The following PCDH15 variants were observed in gnomAD, a reference collection of about 807,000 sequenced individuals.
The protein encoded by PCDH15 is protocadherin related 15.
A neutral mutation model predicts 178.5 loss-of-function variants in PCDH15; 129 were observed. The ratio of observed to expected loss-of-function variants is 0.72; its 90% confidence interval spans 0.63 to 0.84. The LOEUF (loss-of-function observed/expected upper bound fraction) is 0.84. Ranked by LOEUF, PCDH15 falls within the 40% of genes least tolerant of loss-of-function variation. The pLI, the probability that PCDH15 is intolerant of heterozygous loss-of-function variation, is 0.00. For synonymous variants in PCDH15, 800 were observed against 732.0 expected (o/e 1.09, Z -1.50); for missense variants, 2,230 against 2,099.9 (o/e 1.06, Z -1.21).
chr10:54,481,898 A>T (rs895687422), intron 3 of PCDH15, among the ~76,000 whole-genome samples: 1 of 151,892 alleles, frequency 6.6e-6, no homozygotes, highest in African/African-American at 2.4e-5. Context: ...AAAGCAAGTC[A>T]GTCTGTATTG....
At chr10:54,029,676 T>C (rs1412661172) in intron 18 of PCDH15, among the ~76,000 whole-genome samples, 1 of 152,202 alleles carries the variant, frequency 6.6e-6, no homozygotes, top group Non-Finnish European at 1.5e-5. Context: ...CCAAAGTTTT[T>C]TGTATAATTT....
At chr10:54,055,154 T>C (rs2093858390) in intron 18 of PCDH15, among the ~76,000 whole-genome samples, 1 of 152,206 alleles carries the variant, frequency 6.6e-6, no homozygotes, top group Non-Finnish European at 1.5e-5. Context: ...CACTGTAGTT[T>C]ACTAATGATT....
chr10:55,385,607 T>G (rs1174062755), intron 2 of PCDH15, among the ~76,000 whole-genome samples: 3 of 149,992 alleles, frequency 2.0e-5, no homozygotes, highest in Admixed American at 6.7e-5. Context: ...TTTTTGAAGT[T>G]TCTGTGTAGG....
chr10:54,171,710 A>G (rs1248622595), intron 13 of PCDH15, among the ~76,000 whole-genome samples: 1 of 152,020 alleles, frequency 6.6e-6, no homozygotes, highest in Non-Finnish European at 1.5e-5. Context: ...CTCTCTAATC[A>G]GATATCCTGA....
chr10:55,275,315 AGAAGTTCCTAAAT>A (rs758498347), intron 1 of PCDH15, among the ~76,000 whole-genome samples: 163 of 152,112 alleles, frequency 1.1e-3, no homozygotes, highest in Non-Finnish European at 2.0e-3. Flanking sequence ...CTTGATTATT[AGAAGTTCCTAAAT>A]TTACTGCTGT....
chr10:55,387,095 C>T (rs969641490), intron 2 of PCDH15, among the ~76,000 whole-genome samples: 2 of 151,980 alleles, frequency 1.3e-5, no homozygotes, highest in Non-Finnish European at 2.9e-5. Context: ...TTTAAAATAT[C>T]GTGCCATTAT....
rs934641711 is a variant in PCDH15 at position 54,826,063 on chromosome 10, A to T, written c.-29+71387T>A. Among the ~76,000 whole-genome samples the T allele has an allele frequency of 2.0e-5, 3 of 152,090 alleles. 1 individual carries two copies. The highest frequency in any genetic ancestry group is 4.4e-5 in the Non-Finnish European group (3 of 68,002). On this transcript the variant is annotated intron_variant, in intron 3 of 5. Coordinates refer to the PCDH15 transcript ENST00000458638. ...CCATTGTAGAATGAAACATTGCCTC[A>T]TGCCTTCAGATAGACTTAGTAGTTA... is the stretch of plus-strand genomic sequence containing the variant.
At chr10:54,973,119 G>A (rs1386724249) in intron 2 of PCDH15, among the ~76,000 whole-genome samples, 2 of 152,086 alleles carry the variant, frequency 1.3e-5, no homozygotes, top group Non-Finnish European at 2.9e-5. Context: ...GTGAAAATGT[G>A]TGTGAACATG....
intron 2 of PCDH15, among the ~76,000 whole-genome samples, chr10:55,164,171 A>G (rs1839136009): frequency 6.6e-6 from 1 of 152,112 alleles, no homozygotes; most frequent in South Asian, 2.1e-4. Context: ...ACACAACTTA[A>G]GCCTTTACAT....
At chr10:54,131,112 G>A (rs1344000346) in intron 15 of PCDH15, among the ~76,000 whole-genome samples, 1 of 152,050 alleles carries the variant, frequency 6.6e-6, no homozygotes, top group African/African-American at 2.4e-5. Context: ...TATGAAAAAG[G>A]CCAACTTCTT....
chr10:55,400,230 C>A (rs1032473978), intron 2 of PCDH15, among the ~76,000 whole-genome samples: 1 of 152,008 alleles, frequency 6.6e-6, no homozygotes, highest in African/African-American at 2.4e-5. Context: ...GGAATGGAGT[C>A]CTCCTACAGC....
intron 14 of PCDH15, among the ~76,000 whole-genome samples, chr10:54,147,636 A>C (rs1461871965): frequency 6.6e-6 from 1 of 151,938 alleles, no homozygotes; most frequent in East Asian, 1.9e-4. Context: ...TCAATGAAAA[A>C]TATGTATATA....
At chr10:53,987,787 T>C (rs1442354026) in intron 21 of PCDH15, among the ~76,000 whole-genome samples, 2 of 152,146 alleles carry the variant, frequency 1.3e-5, no homozygotes, top group African/African-American at 4.8e-5. Context: ...GCAAAGTTTT[T>C]CACCATTCAT....
chr10:55,221,076 C>G (rs1439351191), intron 1 of PCDH15, among the ~76,000 whole-genome samples: 1 of 151,988 alleles, frequency 6.6e-6, no homozygotes, highest in African/African-American at 2.4e-5. Context: ...TGAAAAGAAT[C>G]AAGTCCCTAA....
At chr10:53,866,878 A>G in intron 26 of PCDH15, 21 bp from the exon 27 acceptor site, 1 of 1,514,102 alleles carries the variant, frequency 6.6e-7, no homozygotes. Context: ...GGGAAAAAAA[A>G]AGAGATTATA....
At chr10:54,343,768 A>T (rs997432356) in intron 6 of PCDH15, among the ~76,000 whole-genome samples, 1 of 152,130 alleles carries the variant, frequency 6.6e-6, no homozygotes, top group Admixed American at 6.5e-5. Context: ...CACGTTGTGC[A>T]CATGTACCCT....
chr10:54,567,131 C>T (rs2089163088), intron 2 of PCDH15, among the ~76,000 whole-genome samples: 1 of 152,064 alleles, frequency 6.6e-6, no homozygotes, highest in South Asian at 2.1e-4. Flanking sequence ...TGTATATCTT[C>T]TTTGGTTAGG....
chr10:53,953,460 A>G (rs559777021), intron 23 of PCDH15, among the ~76,000 whole-genome samples: 1 of 152,282 alleles, frequency 6.6e-6, no homozygotes, highest in East Asian at 1.9e-4. Flanking sequence ...GCCATTATAA[A>G]AGTAAACATA....
intron 8 of PCDH15, among the ~76,000 whole-genome samples, chr10:54,288,656 G>T (rs777753540): frequency 1.3e-5 from 2 of 152,162 alleles, no homozygotes; most frequent in Admixed American, 1.3e-4. Context: ...GGACACTCCC[G>T]CCCAAATACT....
Sources: allele counts gnomAD v4.1 joint callset (sites outside exome capture counted in the v4.1 genomes callset), GRCh38; gene constraint gnomAD v4.1.1; transcripts MANE v1.5; gene names NCBI Gene and HGNC (gene_info 2026-07-23, HGNC 2026-07-21).